Variants in DPYD observed in about 807,000 individuals in gnomAD.
DPYD encodes dihydropyrimidine dehydrogenase [NADP(+)].
A neutral mutation model predicts 116.2 loss-of-function variants in DPYD; 109 were observed. The ratio of observed to expected loss-of-function variants is 0.94; its 90% CI spans 0.80 to 1.10. DPYD has a LOEUF of 1.10. Ranked by LOEUF, DPYD falls within the 50% of genes least tolerant of loss-of-function variation. The pLI is 0.00. For missense variants in DPYD, 1,302 were observed against 1,254.5 expected, an observed-to-expected ratio of 1.04 and a Z score of -0.57; for synonymous variants, 440 against 432.0, an observed-to-expected ratio of 1.02 and a Z score of -0.23.
At chr1:97,322,025 A>C (rs1352439614) in intron 16 of DPYD, among the ~76,000 whole-genome samples, 1 of 95,858 alleles carries the variant, frequency 1.0e-5, no homozygotes, top group African/African-American at 3.8e-5. Flanking sequence ...ATAGGTGGGA[A>C]TTGAACAATG....
At chr1:97,710,558 A>AT (rs1014542167) in intron 5 of DPYD, among the ~76,000 whole-genome samples, 9 of 151,766 alleles carry the variant, frequency 5.9e-5, no homozygotes, top group African/African-American at 1.4e-4. Context: ...ATTCTCAAAG[A>AT]TTTTTTTCCA....
intron 8 of DPYD, among the ~76,000 whole-genome samples, chr1:97,656,236 G>A (rs1054831848): frequency 6.6e-6 from 1 of 152,150 alleles, no homozygotes; most frequent in African/African-American, 2.4e-5. Flanking sequence ...TTCTCCACTT[G>A]TAGCATGCAG....
chr1:97,338,500 G>A (rs561449886), intron 16 of DPYD, among the ~76,000 whole-genome samples: 2 of 152,194 alleles, frequency 1.3e-5, no homozygotes, highest in East Asian at 1.9e-4. Context: ...GTGGAGCTTC[G>A]ATCATCCAAA....
intron 8 of DPYD, among the ~76,000 whole-genome samples, chr1:97,639,631 T>C (rs1304704965): frequency 1.3e-5 from 2 of 152,002 alleles, no homozygotes; most frequent in East Asian, 3.9e-4. Flanking sequence ...ATGGTCTCAT[T>C]AAAAACAAGA....
intron 19 of DPYD, among the ~76,000 whole-genome samples, chr1:97,227,524 T>C (rs1376595196): frequency 6.6e-6 from 1 of 151,820 alleles, no homozygotes; most frequent in Non-Finnish European, 1.5e-5. Flanking sequence ...AACCTATAAA[T>C]ATGTACACCT....
At chr1:97,894,743 C>G (rs1672965876) in intron 1 of DPYD, among the ~76,000 whole-genome samples, 1 of 151,328 alleles carries the variant, frequency 6.6e-6, no homozygotes, top group South Asian at 2.1e-4. Context: ...GTGTCAAATG[C>G]AAACACTTAT....
At chr1:97,203,338 CAG>C (rs991107214) in intron 19 of DPYD, among the ~76,000 whole-genome samples, 36 of 152,102 alleles carry the variant, frequency 2.4e-4, no homozygotes, top group African/African-American at 8.0e-4. Context: ...TCTTTTTCAA[CAG>C]AGTCAACACA....
At chr1:97,526,384 C>A (rs1649099622) in intron 12 of DPYD, among the ~76,000 whole-genome samples, 1 of 151,366 alleles carries the variant, frequency 6.6e-6, no homozygotes, top group South Asian at 2.1e-4. Flanking sequence ...TAGGTCTAGA[C>A]CAGTAATTTT....
chr1:97,297,052 G>A (rs1010031101), intron 18 of DPYD, among the ~76,000 whole-genome samples: 4 of 152,150 alleles, frequency 2.6e-5, no homozygotes, highest in Non-Finnish European at 5.9e-5. Flanking sequence ...TGAGTGAGGA[G>A]TATATGGTTT....
At chr1:97,715,878 C>T (rs1467530352) in intron 5 of DPYD, among the ~76,000 whole-genome samples, 3 of 152,014 alleles carry the variant, frequency 2.0e-5, no homozygotes, top group Non-Finnish European at 4.4e-5. Flanking sequence ...CTCTATTGTT[C>T]ATTAGAATAC....
chr1:97,667,744 C>G (rs1431659083), intron 8 of DPYD, among the ~76,000 whole-genome samples: 2 of 152,034 alleles, frequency 1.3e-5, no homozygotes, highest in African/African-American at 4.8e-5. Flanking sequence ...ATCAAGGACT[C>G]AAAGAAATAT....
chr1:97,872,760 G>A (rs923399443), intron 2 of DPYD, among the ~76,000 whole-genome samples: 2 of 151,618 alleles, frequency 1.3e-5, no homozygotes, highest in African/African-American at 4.8e-5. Flanking sequence ...AGAACTTTTC[G>A]AGAAAAAAAT....
intron 18 of DPYD, among the ~76,000 whole-genome samples, chr1:97,276,691 A>G (rs1009610912): frequency 7.2e-5 from 11 of 151,990 alleles, no homozygotes; most frequent in African/African-American, 2.4e-4. Context: ...AAAAAAAAAA[A>G]AAAGTCAACA....
In DPYD at chr1:97,690,963, A is replaced by G. The variant is rs3790388; in HGVS notation, c.762+754T>C. On this transcript the variant is annotated intron_variant, in intron 7 of 22. Coordinates refer to ENST00000370192, the MANE Select transcript of DPYD (RefSeq NM_000110.4). ...AAAAGGTATGAGTAGTTTGTTAATC[A>G]CTTTTCAAAGTATCTTCTGCATATA... Among the ~76,000 whole-genome samples the G allele has an allele frequency of 1.1e-4, 16 of 152,236 alleles. No homozygotes were observed. The East Asian group carries it at 3.1e-3, about 29-fold the overall frequency.
At chr1:97,229,395 G>A (rs151161596) in intron 19 of DPYD, among the ~76,000 whole-genome samples, 1,685 of 149,862 alleles carry the variant, frequency 0.011, 35 homozygotes, top group African/African-American at 0.039. Flanking sequence ...TATACTGAAC[G>A]AAAGGTTAGG....
intron 14 of DPYD, among the ~76,000 whole-genome samples, chr1:97,441,317 C>T (rs1470584257): frequency 6.6e-6 from 1 of 151,984 alleles, no homozygotes; most frequent in East Asian, 1.9e-4. Context: ...CAACTTCCTT[C>T]AGGGACTCTA....
At chr1:97,517,534 T>G (rs1648321140) in intron 12 of DPYD, among the ~76,000 whole-genome samples, 1 of 152,098 alleles carries the variant, frequency 6.6e-6, no homozygotes, top group African/African-American at 2.4e-5. Flanking sequence ...CAAACAACTT[T>G]ATTTAAAACA....
chr1:97,250,368 C>T (rs1171128243), intron 18 of DPYD, among the ~76,000 whole-genome samples: 2 of 152,172 alleles, frequency 1.3e-5, no homozygotes, highest in East Asian at 1.9e-4. Context: ...TCTATCCTAT[C>T]ACCCAGCAAT....
intron 12 of DPYD, among the ~76,000 whole-genome samples, chr1:97,534,238 T>C (rs1260620247): frequency 6.6e-6 from 1 of 152,200 alleles, no homozygotes; most frequent in African/African-American, 2.4e-5. Flanking sequence ...TGTTGTCTGG[T>C]ATACAGTGAC....
Sources: allele counts gnomAD v4.1 joint callset (sites outside exome capture counted in the v4.1 genomes callset), GRCh38; gene constraint gnomAD v4.1.1; transcripts MANE v1.5; gene names NCBI Gene and HGNC (gene_info 2026-07-23, HGNC 2026-07-21).